PPP1R42: variants seen among roughly 807,000 people sequenced by gnomAD.
PPP1R42 encodes leucine rich repeat containing 67.
A neutral mutation model predicts 31.0 loss-of-function variants in PPP1R42; 34 were observed. The ratio of observed to expected loss-of-function variants is 1.10; its 90% CI spans 0.83 to 1.46. The LOEUF (loss-of-function observed/expected upper bound fraction) is 1.46. PPP1R42 is among the 40% of genes most tolerant of loss of function. PPP1R42 has a pLI of 0.00. For missense variants in PPP1R42, 268 were observed against 303.0 expected (o/e 0.88, Z 0.86); for synonymous variants, 103 against 109.8 (o/e 0.94, Z 0.39).
chr8:66,992,992 T>C (rs575712180), intron 5 of PPP1R42, among the ~76,000 whole-genome samples: 116 of 152,318 alleles, frequency 7.6e-4, no homozygotes, highest in Non-Finnish European at 1.3e-3. Context: ...AATTATGTAC[T>C]TGACATTTTC....
intron 6 of PPP1R42, among the ~76,000 whole-genome samples, chr8:66,982,553 C>A (rs1814875400): frequency 2.0e-5 from 3 of 152,074 alleles, no homozygotes; most frequent in Middle Eastern, 3.4e-3. Flanking sequence ...CCCCCTGGGG[C>A]TCAAGTGATC....
At chr8:67,014,700 A>G in intron 2 of PPP1R42, 108 bp from the exon 3 acceptor site, 1 of 686,104 alleles carries the variant, frequency 1.5e-6, no homozygotes, top group Non-Finnish European at 2.4e-6. Context: ...TCTAAGGTTA[A>G]TATAAAAGAA....
intron 7 of PPP1R42, among the ~76,000 whole-genome samples, chr8:66,968,136 A>T (rs574846652): frequency 6.6e-6 from 1 of 152,226 alleles, no homozygotes; most frequent in Non-Finnish European, 1.5e-5. Context: ...TAAATAAAAA[A>T]TAGGTTTGAC....
At chr8:66,989,728 T>G (rs546688337) in intron 5 of PPP1R42, among the ~76,000 whole-genome samples, 5 of 152,354 alleles carry the variant, frequency 3.3e-5, no homozygotes, top group African/African-American at 1.2e-4. Flanking sequence ...TTCCAATAAG[T>G]AATTTATGTG....
chr8:67,004,087 C>G (rs1369288483), intron 5 of PPP1R42, among the ~76,000 whole-genome samples: 2 of 142,766 alleles, frequency 1.4e-5, no homozygotes, highest in Non-Finnish European at 3.0e-5. Context: ...GAGACTCCGT[C>G]TCAAAAAAAA....
intron 5 of PPP1R42, 27 bp from the exon 6 acceptor site, chr8:66,988,544 C>G: frequency 6.3e-7 from 1 of 1,578,834 alleles, no homozygotes; most frequent in Non-Finnish European, 8.6e-7. Context: ...AAAAGCAAAG[C>G]ACAAGCATTT....
intron 5 of PPP1R42, among the ~76,000 whole-genome samples, chr8:66,997,301 T>G (rs1328518859): frequency 6.6e-6 from 1 of 152,122 alleles, no homozygotes; most frequent in Non-Finnish European, 1.5e-5. Context: ...GTATTTTATT[T>G]TATTTATTTT....
At chr8:66,972,536 C>T (rs1814565075) in intron 7 of PPP1R42, among the ~76,000 whole-genome samples, 1 of 151,958 alleles carries the variant, frequency 6.6e-6, no homozygotes, top group South Asian at 2.1e-4. Flanking sequence ...ATTATAGGCG[C>T]CTGCCACCAC....
At chr8:67,023,080 T>A (rs941575497) in intron 1 of PPP1R42, among the ~76,000 whole-genome samples, 6 of 152,180 alleles carry the variant, frequency 3.9e-5, no homozygotes, top group Admixed American at 3.9e-4. Flanking sequence ...TTTTTTCTTT[T>A]ATATTTAAGG....
rs1436552333 is a variant in PPP1R42 at position 67,017,709 on chromosome 8, G to C, written c.39C>G (p.Ser13Arg). ...RLTLDLIARNSNLKPRKEETI... is the reference protein window; with the variant it reads ...RLTLDLIARNRNLKPRKEETI... ...TTTCTTCTTTTCGGGGTTTAAGATT[G>C]CTGTTTCTGGCAATTAGATCCAAGG... Residue 13 changes from serine to arginine, a missense_variant, in exon 2 of 8, where the codon AGC becomes AGG. Physicochemically the swap from Ser to Arg is moderately radical, Grantham distance 110 (BLOSUM62 -1). Coordinates refer to ENST00000685739, the MANE Select transcript of PPP1R42 (RefSeq NM_001364910.1). 1 of 1,598,634 alleles carries C rather than the reference G, an allele frequency of 6.3e-7. No individual in the cohort carries two copies. The highest frequency in any genetic ancestry group is 8.5e-7 in the Non-Finnish European group (1 of 1,173,022).
intron 1 of PPP1R42, among the ~76,000 whole-genome samples, chr8:67,024,812 C>T (rs1036833379): frequency 2.0e-5 from 3 of 150,702 alleles, no homozygotes; most frequent in Non-Finnish European, 4.4e-5. Context: ...AGGGTTGTAC[C>T]ATGTTGCCCA....
At chr8:66,988,316 T>C (rs1350568955) in intron 6 of PPP1R42, 84 bp downstream of exon 6, 5 of 1,288,964 alleles carry the variant, frequency 3.9e-6, no homozygotes, top group Non-Finnish European at 3.9e-6. Context: ...GTCAGATTTA[T>C]ATTTCTGAAA....
At chr8:66,983,623 A>C (rs1209665018) in intron 6 of PPP1R42, among the ~76,000 whole-genome samples, 1 of 152,220 alleles carries the variant, frequency 6.6e-6, no homozygotes, top group Non-Finnish European at 1.5e-5. Context: ...ATTAGATCAC[A>C]CATCCTTTCA....
chr8:67,002,953 G>T (rs1315839043), intron 5 of PPP1R42, among the ~76,000 whole-genome samples: 3 of 149,668 alleles, frequency 2.0e-5, no homozygotes, highest in East Asian at 3.9e-4. Flanking sequence ...TCAGGAGTTC[G>T]AGACCAGTCT....
intron 1 of PPP1R42, among the ~76,000 whole-genome samples, chr8:67,019,890 C>CA (rs796890271): frequency 5.9e-4 from 85 of 143,364 alleles, no homozygotes; most frequent in East Asian, 3.5e-3. Context: ...TCCACCTCAA[C>CA]AAAAAAAAAA....
intron 1 of PPP1R42, chr8:67,026,904 T>C (rs1816419795): frequency 6.6e-6 from 1 of 151,008 alleles, no homozygotes; most frequent in South Asian, 2.1e-4. Context: ...AGTGCTTTTT[T>C]TTTTTTTTTT....
At chr8:66,966,281 C>A (rs1374480079) in intron 7 of PPP1R42, among the ~76,000 whole-genome samples, 1 of 152,042 alleles carries the variant, frequency 6.6e-6, no homozygotes, top group Non-Finnish European at 1.5e-5. Flanking sequence ...ATTATCCCTT[C>A]CTGTTCCTAA....
intron 7 of PPP1R42, among the ~76,000 whole-genome samples, chr8:66,981,298 G>A (rs889916483): frequency 4.0e-5 from 6 of 151,896 alleles, no homozygotes; most frequent in African/African-American, 1.5e-4. Context: ...GTTGGAGTAT[G>A]TGCATAAGAA....
intron 6 of PPP1R42, chr8:66,984,049 A>G: frequency 7.7e-7 from 1 of 1,301,910 alleles, no homozygotes; most frequent in Non-Finnish European, 1.1e-6. Flanking sequence ...AGATCATACA[A>G]GTGGGAGTGG....
Sources: gnomAD v4.1 joint callset for allele counts (sites outside exome capture counted in the v4.1 genomes callset) on GRCh38, gnomAD v4.1.1 for gene constraint, MANE v1.5 for transcripts, NCBI Gene and HGNC (gene_info 2026-07-23, HGNC 2026-07-21) for gene names.